The following GYPC variants were observed in gnomAD, a reference collection of about 807,000 sequenced individuals.
The protein encoded by GYPC is glycophorin C (Gerbich blood group), also known as glycophorin-C.
GYPC carries 14 observed loss-of-function variants against 12.6 expected under a neutral mutation model. The observed-to-expected ratio is 1.11, with a 90% CI of 0.74 to 1.74. The LOEUF (loss-of-function observed/expected upper bound fraction) is 1.74. Ranked by LOEUF, GYPC falls within the 40% of genes most tolerant of loss-of-function variation. The probability of loss-of-function intolerance (pLI) is 0.00; values close to 1 mark genes in which losing one functional copy is unlikely to be tolerated. For synonymous variants in GYPC, 78 were observed against 62.1 expected (o/e 1.26, Z -1.20); for missense variants, 225 against 172.1 (o/e 1.31, Z -1.72).
In GYPC at chr2:126,666,856, G is replaced by A. The variant is rs145173969; in HGVS notation, c.49+10544G>A. ...AGGTATCAGCCCCAGACCTGAGGCA[G>A]ACACTTGGGGATCTGGTTCGGGACA... On this transcript the variant is annotated intron_variant, in intron 1 of 3. Coordinates refer to ENST00000259254, the MANE Select transcript of GYPC (RefSeq NM_002101.5). Among the ~76,000 whole-genome samples the A allele has an allele frequency of 3.3e-3, 497 of 152,262 alleles. 6 individuals carry two copies. The Middle Eastern group carries it at 0.054, about 17-fold the overall frequency.
intron 1 of GYPC, among the ~76,000 whole-genome samples, chr2:126,686,987 T>C (rs1245936181): frequency 6.6e-6 from 1 of 152,166 alleles, no homozygotes; most frequent in Non-Finnish European, 1.5e-5. Flanking sequence ...CCACCTACTT[T>C]CTGGGCTGGA....
At chr2:126,686,345 G>T in intron 1 of GYPC, 1 of 985,806 alleles carries the variant, frequency 1.0e-6, no homozygotes, top group Non-Finnish European at 1.2e-6. Context: ...CTGCAGGGTT[G>T]TGCCTGTGTG....
At chr2:126,686,550 C>T (rs1683296355) in intron 1 of GYPC, 4 of 985,056 alleles carry the variant, frequency 4.1e-6, no homozygotes, top group Admixed American at 1.2e-4. Flanking sequence ...GGCTTTCAAA[C>T]ATTCAGCAGT....
chr2:126,666,375 C>CACTG (rs1462951254), intron 1 of GYPC, among the ~76,000 whole-genome samples: 1 of 152,216 alleles, frequency 6.6e-6, no homozygotes, highest in Non-Finnish European at 1.5e-5. Context: ...GGATCATTGT[C>CACTG]ACTGCATGAC....
At chr2:126,665,120 T>C (rs1682644299) in intron 1 of GYPC, among the ~76,000 whole-genome samples, 1 of 152,230 alleles carries the variant, frequency 6.6e-6, no homozygotes, top group African/African-American at 2.4e-5. Context: ...TTCATGTTCA[T>C]TGTAGAATTG....
chr2:126,664,218 T>C (rs1049672580), intron 1 of GYPC, among the ~76,000 whole-genome samples: 1 of 152,080 alleles, frequency 6.6e-6, no homozygotes, highest in Non-Finnish European at 1.5e-5. Context: ...CTTTTTTTTT[T>C]CTTTGTCACT....
chr2:126,665,854 A>G (rs753727707), intron 1 of GYPC, among the ~76,000 whole-genome samples: 1 of 152,236 alleles, frequency 6.6e-6, no homozygotes, highest in African/African-American at 2.4e-5. Flanking sequence ...AGTGAGGCTC[A>G]AAGAGGTGAT....
Position 126,696,592 on chromosome 2 carries a change from G to T in GYPC, c.*450G>T. ...TTGACATTTGGGGGGAACAGCAGGT[G>T]CCAGAGCTAAAAGGTACCTTTGTCT... On this transcript the variant is annotated 3_prime_UTR_variant, in exon 4 of 4. Transcript: ENST00000259254. 1 of 257,842 alleles carries T rather than the reference G, an allele frequency of 3.9e-6. No homozygotes were observed. Among genetic ancestry groups the T allele is most frequent in the South Asian group, 4.7e-5 (1 of 21,064 alleles). 16.0% of individuals were successfully genotyped at this position (257,842 alleles called of 1,614,324 possible).
intron 1 of GYPC, among the ~76,000 whole-genome samples, chr2:126,684,922 G>A (rs952834582): frequency 1.3e-5 from 2 of 152,064 alleles, no homozygotes; most frequent in African/African-American, 2.4e-5. Flanking sequence ...TGCTTCAGGG[G>A]GACGCGCACC....
At chr2:126,660,099 A>C (rs1682494425) in intron 1 of GYPC, among the ~76,000 whole-genome samples, 1 of 152,190 alleles carries the variant, frequency 6.6e-6, no homozygotes. Context: ...AGGCCAACCC[A>C]AGGAGAGAGT....
Position 126,695,923 on chromosome 2 carries a change from C to G in GYPC, c.191-23C>G, listed in dbSNP as rs746198376. 8.1e-6 allele frequency: 13 copies of G among 1,608,858 alleles called. 1 individual carries two copies. The South Asian group carries it at 1.2e-4, about 15-fold the overall frequency. On this transcript the variant is annotated intron_variant, in intron 3 of 3. Transcript: ENST00000259254. ...CCAGAGCCCCTGCCTCAGACTGACCCTTGCACCTCTTCCCACCTGCAGGTG... is the reference window on the plus strand; with the variant it reads ...CCAGAGCCCCTGCCTCAGACTGACCGTTGCACCTCTTCCCACCTGCAGGTG...
intron 2 of GYPC, among the ~76,000 whole-genome samples, chr2:126,692,648 C>T (rs1461313919): frequency 6.6e-6 from 1 of 152,172 alleles, no homozygotes; most frequent in Non-Finnish European, 1.5e-5. Flanking sequence ...CTCTAGGAAA[C>T]ATCCCGGTCC....
chr2:126,665,628 T>C (rs551453690), intron 1 of GYPC, among the ~76,000 whole-genome samples: 48 of 152,248 alleles, frequency 3.2e-4, no homozygotes, highest in African/African-American at 1.2e-3. Context: ...TCTGGGTGCA[T>C]TGATCACCTC....
chr2:126,659,336 A>G (rs893793), intron 1 of GYPC, among the ~76,000 whole-genome samples: 99,318 of 152,060 alleles, frequency 0.65, 32,487 homozygotes, highest in Middle Eastern at 0.7. Context: ...GTGAAAGGAC[A>G]TGTCCTCATC....
chr2:126,670,410 G>C (rs28369979), intron 1 of GYPC, among the ~76,000 whole-genome samples: 4,891 of 152,316 alleles, frequency 0.032, 105 homozygotes, highest in Non-Finnish European at 0.048. Flanking sequence ...CCCCATTGCT[G>C]TCTCGGCCCT....
In GYPC at chr2:126,694,978, C is replaced by T. The variant is rs528193439; in HGVS notation, c.191-968C>T. 2.0e-5 allele frequency among the ~76,000 whole-genome samples: 3 copies of T among 152,246 alleles called. No homozygotes were observed. In the East Asian group the frequency reaches 5.8e-4, roughly 29 times the overall value. On this transcript the variant is annotated intron_variant, in intron 3 of 3. Transcript: ENST00000259254. ...CCAGCAGAAGTGAGGGGTGACCGCC[C>T]CTCGCACAGCCACCACCTTGGCATC...
intron 1 of GYPC, among the ~76,000 whole-genome samples, chr2:126,669,036 G>A (rs566447089): frequency 2.0e-5 from 3 of 152,282 alleles, no homozygotes; most frequent in South Asian, 2.1e-4. Context: ...TTCCCCCAAC[G>A]TAAATGGGTG....
chr2:126,695,422 A>G (rs892611803), intron 3 of GYPC, among the ~76,000 whole-genome samples: 2 of 152,222 alleles, frequency 1.3e-5, no homozygotes, highest in South Asian at 2.1e-4. Flanking sequence ...CACAGGTTAC[A>G]GTGCCACCAC....
chr2:126,677,248 T>C (rs1338425587), intron 1 of GYPC, among the ~76,000 whole-genome samples: 1 of 151,656 alleles, frequency 6.6e-6, no homozygotes, highest in East Asian at 1.9e-4. Context: ...TGTGTAAGAG[T>C]ATATGTGTAT....
Sources: allele counts gnomAD v4.1 joint callset (sites outside exome capture counted in the v4.1 genomes callset), GRCh38; gene constraint gnomAD v4.1.1; transcripts MANE v1.5; gene names NCBI Gene and HGNC (gene_info 2026-07-23, HGNC 2026-07-21).